SLC7A11: variants seen among roughly 807,000 people sequenced by gnomAD.
The protein encoded by SLC7A11 is solute carrier family 7 member 11.
SLC7A11 carries 35 observed loss-of-function variants against 54.5 expected under a neutral mutation model. The observed-to-expected ratio is 0.64, with a 90% CI of 0.49 to 0.85. SLC7A11 has a LOEUF of 0.85. Among genes scored for constraint, SLC7A11 ranks in the 40% least tolerant of loss-of-function variants. The pLI, the probability that SLC7A11 is intolerant of heterozygous loss-of-function variation, is 0.00. For missense variants in SLC7A11, 583 were observed against 618.1 expected (o/e 0.94, Z 0.60); for synonymous variants, 230 against 225.2 (o/e 1.02, Z -0.19).
chr4:138,218,206 TAAA>T (rs1173906878), intron 5 of SLC7A11, among the ~76,000 whole-genome samples: 1 of 152,168 alleles, frequency 6.6e-6, no homozygotes, highest in Non-Finnish European at 1.5e-5. Flanking sequence ...GGTAAGATCT[TAAA>T]AACTAAAAAA....
chr4:138,198,070 C>A (rs535082221), intron 6 of SLC7A11, among the ~76,000 whole-genome samples: 200 of 150,100 alleles, frequency 1.3e-3, no homozygotes, highest in Non-Finnish European at 2.2e-3. Flanking sequence ...AAGTCAAGAG[C>A]CTATATTATA....
At chr4:138,226,601 A>G (rs913455896) in intron 3 of SLC7A11, among the ~76,000 whole-genome samples, 1 of 152,098 alleles carries the variant, frequency 6.6e-6, no homozygotes, top group African/African-American at 2.4e-5. Context: ...TCCGGTGGCT[A>G]TAACTGCTGT....
chr4:138,164,758 A>C lies in SLC7A11; in HGVS notation c.*7198T>G, dbSNP rs1047681787. 13 of 152,134 alleles carry C rather than the reference A, an allele frequency of 8.5e-5. No homozygotes were observed. The highest frequency in any genetic ancestry group is 3.1e-4 in the African/African-American group (13 of 41,456). 9.4% of individuals were successfully genotyped at this position (152,134 alleles called of 1,614,324 possible). On this transcript the variant is annotated 3_prime_UTR_variant, in exon 12 of 12. Transcript: ENST00000280612. ...GGACCAGTTAGTTAGGATATTGAGG[A>C]TCACTCTTTTTCAGCTGGATCTCTC...
intron 2 of SLC7A11, among the ~76,000 whole-genome samples, chr4:138,235,824 TC>T (rs1738194686): frequency 6.6e-6 from 1 of 152,200 alleles, no homozygotes; most frequent in Non-Finnish European, 1.5e-5. Flanking sequence ...AGGAAATGAG[TC>T]ATTTGACTCT....
intron 6 of SLC7A11, among the ~76,000 whole-genome samples, chr4:138,205,118 C>T (rs1737377438): frequency 6.6e-6 from 1 of 151,922 alleles, no homozygotes; most frequent in Admixed American, 6.6e-5. Context: ...TAGGGATTAT[C>T]ATCTTCCATT....
In SLC7A11 at chr4:138,230,012, TC is replaced by T. The variant is rs1578670442; in HGVS notation, c.520+2254del. Among the ~76,000 whole-genome samples, 6 of 152,202 alleles carry T rather than the reference TC, an allele frequency of 3.9e-5. No individual in the cohort carries two copies. In the East Asian group the frequency reaches 1.2e-3, roughly 29 times the overall value. ...GGTGAATATAACAATGGCTGTTAGT[TC>T]AGTCCCTTAGTGGAACAGTGGACTT... On this transcript the variant is annotated intron_variant, in intron 3 of 11. Coordinates refer to ENST00000280612, the MANE Select transcript of SLC7A11 (RefSeq NM_014331.4).
intron 11 of SLC7A11, among the ~76,000 whole-genome samples, chr4:138,173,634 C>CA (rs201066768): frequency 3.1e-3 from 404 of 130,152 alleles, no homozygotes; most frequent in South Asian, 0.014. Flanking sequence ...AACTCCATCT[C>CA]AAAAAAAAAA....
intron 2 of SLC7A11, among the ~76,000 whole-genome samples, chr4:138,233,307 C>A (rs1410969733): frequency 6.6e-6 from 1 of 151,878 alleles, no homozygotes; most frequent in Non-Finnish European, 1.5e-5. Context: ...GCCTCAGCCT[C>A]CTGAGTAGCT....
chr4:138,228,988 A>AC (rs1327814817), intron 3 of SLC7A11, among the ~76,000 whole-genome samples: 1 of 152,000 alleles, frequency 6.6e-6, no homozygotes, highest in Non-Finnish European at 1.5e-5. Flanking sequence ...TATTTACTTA[A>AC]CCCCCCACCC....
intron 3 of SLC7A11, among the ~76,000 whole-genome samples, chr4:138,229,298 T>A (rs997090516): frequency 4.6e-5 from 7 of 152,170 alleles, no homozygotes; most frequent in African/African-American, 1.7e-4. Flanking sequence ...TCCTTCTCTA[T>A]CTCCATCTCC....
chr4:138,211,985 T>C lies in SLC7A11; in HGVS notation c.791+2600A>G, dbSNP rs1303741866. Among the ~76,000 whole-genome samples, 4 of 151,884 alleles carry C rather than the reference T, an allele frequency of 2.6e-5. No homozygotes were observed. The East Asian group carries it at 7.7e-4, about 29-fold the overall frequency. On this transcript the variant is annotated intron_variant, in intron 6 of 11. Coordinates refer to ENST00000280612, the MANE Select transcript of SLC7A11 (RefSeq NM_014331.4). ...TGGCATAGTAAAGTAACCGTAGTTA[T>C]CAAAAACATAGTATATTTTAAATTA...
At chr4:138,190,441 C>T (rs931603412) in intron 6 of SLC7A11, among the ~76,000 whole-genome samples, 1 of 151,972 alleles carries the variant, frequency 6.6e-6, no homozygotes, top group Admixed American at 6.6e-5. Context: ...ATTTTTGAAT[C>T]ATACTTGTTT....
chr4:138,198,229 T>G (rs1737187739), intron 6 of SLC7A11, among the ~76,000 whole-genome samples: 1 of 151,476 alleles, frequency 6.6e-6, no homozygotes, highest in African/African-American at 2.4e-5. Flanking sequence ...AATACAGAAA[T>G]AAAAAATGAT....
chr4:138,207,887 C>T (rs1329594940), intron 6 of SLC7A11, among the ~76,000 whole-genome samples: 1 of 151,976 alleles, frequency 6.6e-6, no homozygotes, highest in African/African-American at 2.4e-5. Context: ...TAAAACTGTC[C>T]TACAAGCAAT....
chr4:138,214,610 T>A lies in SLC7A11; in HGVS notation c.766A>T (p.Thr256Ser). 1 of 1,432,994 alleles carries A rather than the reference T, an allele frequency of 7.0e-7. No homozygotes were observed. Among genetic ancestry groups the A allele is most frequent in the Non-Finnish European group, 9.5e-7 (1 of 1,054,298 alleles). The allele number at this position is 1,432,994 out of a possible 1,614,324, so 88.8% of individuals were successfully genotyped here. Residue 256 changes from threonine to serine, a missense_variant, in exon 6 of 12, where the codon ACT (threonine) becomes TCT (serine). Physicochemically the swap from Thr to Ser is moderately conservative, Grantham distance 58. Transcript: ENST00000280612. ...YAGWFYLNFVTEEVENPEKTI... is the reference protein window; with the variant it reads ...YAGWFYLNFVSEEVENPEKTI... ...TTTTCAGGGTTTTCTACTTCTTCAG[T>A]AACAAAGTTGAGGTAAAACCTAAAA...
In SLC7A11 at chr4:138,170,271, T is replaced by TATATATATATACAC. The variant is rs752680028; in HGVS notation, c.*1684_*1685insGTGTATATATATAT. ...GTGTGTATATATATATATATATATA[T>TATATATATATACAC]ACACACACACACACACACACACATA... On this transcript the variant is annotated 3_prime_UTR_variant, in exon 12 of 12. Coordinates refer to ENST00000280612, the MANE Select transcript of SLC7A11 (RefSeq NM_014331.4). 610 of 86,068 alleles carry TATATATATATACAC rather than the reference T, an allele frequency of 7.1e-3. 6 individuals carry two copies. Among genetic ancestry groups the TATATATATATACAC allele is most frequent in the South Asian group, 0.033 (62 of 1,856 alleles). The allele number at this position is 86,068 out of a possible 1,614,324, so 5.3% of individuals were successfully genotyped here. A position where few individuals can be genotyped will look rare whatever the true frequency, so the allele number is the denominator to read the frequency against.
chr4:138,188,103 G>A (rs543566930), intron 6 of SLC7A11, among the ~76,000 whole-genome samples: 15 of 151,578 alleles, frequency 9.9e-5, no homozygotes, highest in Non-Finnish European at 1.3e-4. Context: ...TCACTCTGTC[G>A]CCCAGACTTG....
intron 11 of SLC7A11, chr4:138,174,846 A>C (rs919084918): frequency 6.6e-6 from 1 of 152,212 alleles, no homozygotes; most frequent in Non-Finnish European, 1.5e-5. Flanking sequence ...TTTCATGTTC[A>C]GTAGTTATTC....
chr4:138,210,694 GAT>G (rs1482149751), intron 6 of SLC7A11, among the ~76,000 whole-genome samples: 1 of 152,016 alleles, frequency 6.6e-6, no homozygotes, highest in African/African-American at 2.4e-5. Context: ...ACTACAATGA[GAT>G]AGCATCTCGC....
Sources: gnomAD v4.1 joint callset for allele counts (sites outside exome capture counted in the v4.1 genomes callset) on GRCh38, gnomAD v4.1.1 for gene constraint, MANE v1.5 for transcripts, NCBI Gene and HGNC (gene_info 2026-07-23, HGNC 2026-07-21) for gene names.